Variants in OR2AT4 observed in about 807,000 individuals in gnomAD.
OR2AT4 encodes olfactory receptor 2AT4.
In OR2AT4, 6 loss-of-function variants were observed where a neutral mutation model predicts 10.3. The ratio of observed to expected loss-of-function variants is 0.58; its 90% CI spans 0.32 to 1.15. OR2AT4 has a LOEUF of 1.15. Among genes scored for constraint, OR2AT4 ranks in the 50% most tolerant of loss-of-function variants. The pLI is 0.05. For missense variants in OR2AT4, 354 were observed against 393.8 expected, an observed-to-expected ratio of 0.90 and a Z score of 0.85; for synonymous variants, 145 against 159.1, an observed-to-expected ratio of 0.91 and a Z score of 0.67.
intron 1 of OR2AT4, among the ~76,000 whole-genome samples, chr11:75,092,475 T>C (rs1949324590): frequency 1.3e-5 from 2 of 152,210 alleles, no homozygotes; most frequent in African/African-American, 4.8e-5. Context: ...GATATAAATA[T>C]AAATCTATGT....
chr11:75,088,999 G>C lies in OR2AT4; in HGVS notation c.715C>G (p.Arg239Gly), dbSNP rs138204372. 9.9e-5 allele frequency: 160 copies of C among 1,614,142 alleles called. No individual in the cohort carries two copies. The East Asian group carries it at 3.3e-3, about 33-fold the overall frequency. ...CTGCAGGTGGAGAAGGCTTTTGCCC[G>C]TCCTTCTAGGGAACTGATGCGAAGC... Residue 239 changes from arginine (R) to glycine (G), a missense_variant, in exon 2 of 2, where the codon CGG (arginine) becomes GGG (glycine). Arg to Gly is a moderately radical substitution (Grantham distance 125). Coordinates refer to ENST00000641504, the Ensembl canonical transcript of OR2AT4.
chr11:75,088,527 G>GT (rs1163378860), exon 2 of OR2AT4: 5 of 365,220 alleles, frequency 1.4e-5, no homozygotes, highest in African/African-American at 2.1e-5. Context: ...CCTGTGATAC[G>GT]TTTTTTATTT....
exon 2 of OR2AT4, chr11:75,089,896 C>A: frequency 1.6e-6 from 1 of 613,216 alleles, no homozygotes; most frequent in Non-Finnish European, 2.6e-6. Flanking sequence ...ATGGTATTGA[C>A]TTTTGCCATG....
At chr11:75,093,495 T>C (rs1949330047) in intron 1 of OR2AT4, among the ~76,000 whole-genome samples, 1 of 152,230 alleles carries the variant, frequency 6.6e-6, no homozygotes, top group African/African-American at 2.4e-5. Context: ...AGAAGAGATG[T>C]GTGCTTTTGT....
rs760270794 is a variant in OR2AT4 at position 75,089,611 on chromosome 11, T to TA, written c.102dup (p.Ile35TyrfsTer13). ...ATGAGAAGGTAGAAGAGGAGGAAAA[T>TA]AAAAAACACAGGGAGGAAGAAGGTC... is the stretch of plus-strand genomic sequence containing the variant. On this transcript the variant is annotated frameshift_variant, in exon 2 of 2. Transcript: ENST00000641504. LOFTEE classifies it high-confidence loss of function. The TA allele has an allele frequency of 8.7e-6, 14 of 1,612,768 alleles. No homozygotes were observed. Among genetic ancestry groups the TA allele is most frequent in the African/African-American group, 6.7e-5 (5 of 74,414 alleles).
exon 2 of OR2AT4, chr11:75,086,656 G>A (rs1159702961): frequency 6.6e-6 from 1 of 152,142 alleles, no homozygotes; most frequent in Non-Finnish European, 1.5e-5. Flanking sequence ...CTACATACCT[G>A]TTAGAATGAC....
At chr11:75,091,219 C>T (rs537620810) in intron 1 of OR2AT4, among the ~76,000 whole-genome samples, 2 of 152,328 alleles carry the variant, frequency 1.3e-5, no homozygotes, top group East Asian at 3.9e-4. Context: ...GAGACATCAT[C>T]TGGGGCCTCT....
chr11:75,087,390 A>G (rs1316055306), exon 2 of OR2AT4: 2 of 152,214 alleles, frequency 1.3e-5, no homozygotes, highest in East Asian at 1.9e-4. Flanking sequence ...TTTATCTAAT[A>G]TATATTAAAG....
At chr11:75,095,938 A>G (rs1949347332) in intron 1 of OR2AT4, among the ~76,000 whole-genome samples, 1 of 152,138 alleles carries the variant, frequency 6.6e-6, no homozygotes, top group Non-Finnish European at 1.5e-5. Flanking sequence ...TCGGCCTCCC[A>G]AAGTGCTGGC....
At chr11:75,088,530 TTTTA>T (rs1949300695) in exon 2 of OR2AT4, 3 of 376,246 alleles carry the variant, frequency 8.0e-6, no homozygotes, top group African/African-American at 2.1e-5. Flanking sequence ...GTGATACGTT[TTTTA>T]TTTGTTTTTT....
exon 2 of OR2AT4, chr11:75,086,017 C>A (rs1949288520): frequency 6.6e-6 from 1 of 151,910 alleles, no homozygotes; most frequent in Non-Finnish European, 1.5e-5. Flanking sequence ...GAATAGAGAG[C>A]CCACAAATAG....
chr11:75,090,551 G>A (rs912702216), intron 1 of OR2AT4, among the ~76,000 whole-genome samples, 187 bp from the exon 2 acceptor site: 5 of 152,216 alleles, frequency 3.3e-5, no homozygotes, highest in South Asian at 2.1e-4. Flanking sequence ...CAGCTCTTTT[G>A]TTCTCTGGGA....
At chr11:75,096,159 A>G (rs1366136024) in intron 1 of OR2AT4, 6 of 152,156 alleles carry the variant, frequency 3.9e-5, no homozygotes, top group Non-Finnish European at 7.3e-5. Flanking sequence ...CAGTTTTCCC[A>G]TCTATAAAAT....
At chr11:75,090,666 T>C (rs532979671) in intron 1 of OR2AT4, among the ~76,000 whole-genome samples, 1 of 152,262 alleles carries the variant, frequency 6.6e-6, no homozygotes, top group East Asian at 1.9e-4. Flanking sequence ...AAAAAAGGCT[T>C]ACAAAACATA....
chr11:75,094,217 G>A (rs553995026), intron 1 of OR2AT4, among the ~76,000 whole-genome samples: 1 of 152,194 alleles, frequency 6.6e-6, no homozygotes, highest in South Asian at 2.1e-4. Context: ...TAGGACTGGA[G>A]CCCAGGCTCT....
At chr11:75,082,312 G>A (rs1365040126) in exon 2 of OR2AT4, 1 of 152,048 alleles carries the variant, frequency 6.6e-6, no homozygotes, top group Admixed American at 6.6e-5. Context: ...TGGGGTGGGG[G>A]AGTGGGGAGG....
chr11:75,089,146 C>T, exon 2 of OR2AT4: 3 of 1,614,054 alleles, frequency 1.9e-6, no homozygotes, highest in Non-Finnish European at 2.5e-6. Context: ...GAGGCCTGGA[C>T]CACAGCCAGA....
exon 2 of OR2AT4, chr11:75,088,919 C>T (rs1405752113): frequency 1.2e-6 from 2 of 1,613,972 alleles, no homozygotes; most frequent in Non-Finnish European, 1.7e-6. Flanking sequence ...CCCTGTAGGC[C>T]ACGTAGGCTA....
exon 2 of OR2AT4, chr11:75,082,157 G>A (rs978718054): frequency 5.9e-5 from 9 of 152,154 alleles, no homozygotes; most frequent in Non-Finnish European, 1.2e-4. Context: ...AAAACAGCAT[G>A]ATATTGGCAT....
Sources: allele counts gnomAD v4.1 joint callset (sites outside exome capture counted in the v4.1 genomes callset), GRCh38; gene constraint gnomAD v4.1.1; transcripts MANE v1.5; gene names NCBI Gene and HGNC (gene_info 2026-07-23, HGNC 2026-07-21).